The following PLD1 variants were observed in gnomAD, a reference collection of about 807,000 sequenced individuals.
The protein encoded by PLD1 is choline phosphatase 1.
In PLD1, 112 loss-of-function variants were observed where a neutral mutation model predicts 137.1. That is an observed-to-expected ratio of 0.82 (90% CI 0.70 to 0.96). PLD1 has a LOEUF of 0.96. Among genes scored for constraint, PLD1 ranks in the 40% least tolerant of loss-of-function variants. The pLI, the probability that PLD1 is intolerant of heterozygous loss-of-function variation, is 0.00. For missense variants in PLD1, 1,321 were observed against 1,342.0 expected (o/e 0.98, Z 0.24); for synonymous variants, 431 against 454.7 (o/e 0.95, Z 0.66).
intron 19 of PLD1, among the ~76,000 whole-genome samples, chr3:171,670,984 T>C (rs1390299482): frequency 6.6e-6 from 1 of 152,192 alleles, no homozygotes; most frequent in South Asian, 2.1e-4. Flanking sequence ...TGAAAGACAA[T>C]GAATGAAAAT....
At chr3:171,764,174 T>C (rs1335065393) in intron 1 of PLD1, among the ~76,000 whole-genome samples, 1 of 152,132 alleles carries the variant, frequency 6.6e-6, no homozygotes, top group Non-Finnish European at 1.5e-5. Flanking sequence ...GGAGTTTCTC[T>C]ATGTTGCCCA....
In PLD1 at chr3:171,662,111, G is replaced by C; in HGVS notation, c.2289C>G (p.His763Gln). ...AGIKYHEESI[H>Q]AAYVHVIENS... ...TCTCTATCACATGGACGTAAGCGGC[G>C]TGGATGGACTCTTCATGGTACTTTA... Residue 763 changes from histidine to glutamine, a missense_variant, in exon 20 of 27, where the codon CAC becomes CAG. Coordinates refer to ENST00000351298, the MANE Select transcript of PLD1 (RefSeq NM_002662.5). 6.2e-7 allele frequency: 1 copy of C among 1,613,544 alleles called. No individual in the cohort carries two copies. Among genetic ancestry groups the C allele is most frequent in the Non-Finnish European group, 8.5e-7 (1 of 1,179,482 alleles).
chr3:171,639,154 AAGAT>A (rs1386274644), intron 23 of PLD1, among the ~76,000 whole-genome samples: 2 of 146,774 alleles, frequency 1.4e-5, no homozygotes, highest in East Asian at 2.0e-4. Flanking sequence ...ATATATATGA[AAGAT>A]AGATATATAA....
chr3:171,693,562 T>G (rs1447017470), intron 12 of PLD1, among the ~76,000 whole-genome samples: 1 of 152,110 alleles, frequency 6.6e-6, no homozygotes, highest in Non-Finnish European at 1.5e-5. Context: ...TTGCTTTTTT[T>G]ACTTTTTAGG....
At chr3:171,777,883 T>C (rs1004345379) in intron 1 of PLD1, among the ~76,000 whole-genome samples, 1 of 152,258 alleles carries the variant, frequency 6.6e-6, no homozygotes, top group Non-Finnish European at 1.5e-5. Context: ...TGCGACTTTC[T>C]ATTTTATCTG....
At chr3:171,775,228 A>C (rs1245297707) in intron 1 of PLD1, among the ~76,000 whole-genome samples, 1 of 152,250 alleles carries the variant, frequency 6.6e-6, no homozygotes. Context: ...AGGATTTTTC[A>C]TATCACATTA....
At chr3:171,693,547 G>T (rs1038948923) in intron 12 of PLD1, among the ~76,000 whole-genome samples, 3 of 151,852 alleles carry the variant, frequency 2.0e-5, no homozygotes, top group Admixed American at 6.6e-5. Context: ...CCCCCACCTT[G>T]TGGATTGCTT....
At chr3:171,717,039 C>G (rs1016713550) in intron 8 of PLD1, among the ~76,000 whole-genome samples, 1 of 152,046 alleles carries the variant, frequency 6.6e-6, no homozygotes, top group African/African-American at 2.4e-5. Context: ...TATTTCTGGG[C>G]TCTATAATTC....
chr3:171,622,851 T>C lies in PLD1; in HGVS notation c.2594-2331A>G, dbSNP rs115467309. On this transcript the variant is annotated intron_variant, in intron 23 of 26. Coordinates refer to ENST00000351298, the MANE Select transcript of PLD1 (RefSeq NM_002662.5). ...AAAAATATTAAATATAATAACAGGA[T>C]ATAAATTAACATATAGAAATCAATA... 8.9e-3 allele frequency among the ~76,000 whole-genome samples: 1,351 copies of C among 151,494 alleles called. 23 individuals carry two copies. Among genetic ancestry groups the C allele is most frequent in the African/African-American group, 0.031 (1,303 of 41,452 alleles).
chr3:171,651,323 G>GGTGT (rs3050440), intron 21 of PLD1, among the ~76,000 whole-genome samples: 125 of 150,390 alleles, frequency 8.3e-4, no homozygotes, highest in Non-Finnish European at 1.4e-3. Flanking sequence ...TAGGGCTTAG[G>GGTGT]GTGTGTGTGT....
chr3:171,700,058 C>T (rs766234173), intron 11 of PLD1, among the ~76,000 whole-genome samples: 4 of 151,834 alleles, frequency 2.6e-5, no homozygotes, highest in South Asian at 2.1e-4. Context: ...CTCTCTCCCC[C>T]CTCTTTAACT....
chr3:171,761,984 C>T (rs576261054), intron 1 of PLD1, among the ~76,000 whole-genome samples: 13 of 152,212 alleles, frequency 8.5e-5, no homozygotes, highest in Non-Finnish European at 1.6e-4. Context: ...TAACTTTGGA[C>T]TCTATCTTCT....
intron 1 of PLD1, among the ~76,000 whole-genome samples, chr3:171,807,089 G>A (rs12492909): frequency 0.076 from 11,545 of 152,132 alleles, 563 homozygotes; most frequent in Middle Eastern, 0.15. Context: ...GGAGGATTGC[G>A]GGAGCCCAGC....
At chr3:171,765,648 T>A (rs545570828) in intron 1 of PLD1, among the ~76,000 whole-genome samples, 3 of 152,318 alleles carry the variant, frequency 2.0e-5, no homozygotes, top group African/African-American at 7.2e-5. Flanking sequence ...ACTCAATCAT[T>A]TTGGGCTTCA....
intron 23 of PLD1, among the ~76,000 whole-genome samples, chr3:171,639,629 CTA>C (rs1441077722): frequency 1.0e-4 from 7 of 69,642 alleles, no homozygotes; most frequent in African/African-American, 4.7e-4. Flanking sequence ...AATATATATT[CTA>C]TATAATATAT....
At chr3:171,807,027 G>A (rs541710576) in intron 1 of PLD1, among the ~76,000 whole-genome samples, 2 of 152,304 alleles carry the variant, frequency 1.3e-5, no homozygotes, top group South Asian at 4.1e-4. Flanking sequence ...GCATTTCTCA[G>A]CTGGGTATGG....
intron 1 of PLD1, among the ~76,000 whole-genome samples, chr3:171,791,415 G>A (rs747537334): frequency 3.3e-5 from 5 of 152,116 alleles, no homozygotes; most frequent in East Asian, 1.9e-4. Context: ...CTGGATGCTC[G>A]TGAACATAAC....
chr3:171,620,488 A>C lies in PLD1; in HGVS notation c.2626T>G (p.Cys876Gly). Residue 876 changes from cysteine (C) to glycine (G), a missense_variant, in exon 24 of 27, where the codon TGT (cysteine) becomes GGT (glycine). By Grantham distance (159) the Cys-to-Gly change is radical (BLOSUM62 -3). Coordinates refer to ENST00000351298, the MANE Select transcript of PLD1 (RefSeq NM_002662.5). ...AGCTCTGCATGTGTTCTAAGACCAC[A>C]GAATGATATGTAATTTATCCACTGA... ...GNQWINYISF[C>G]GLRTHAELEG... 2 of 1,595,828 alleles carry C rather than the reference A, an allele frequency of 1.3e-6. No individual in the cohort carries two copies. The highest frequency in any genetic ancestry group is 2.2e-5 in the South Asian group (2 of 90,068).
At chr3:171,672,495 ATT>A (rs58654667) in intron 19 of PLD1, among the ~76,000 whole-genome samples, 189 of 136,132 alleles carry the variant, frequency 1.4e-3, no homozygotes, top group African/African-American at 4.2e-3. Context: ...TTTTATTTTT[ATT>A]TTTTTTTTTT....
Sources: gnomAD v4.1 joint callset for allele counts (sites outside exome capture counted in the v4.1 genomes callset) on GRCh38, gnomAD v4.1.1 for gene constraint, MANE v1.5 for transcripts, NCBI Gene and HGNC (gene_info 2026-07-23, HGNC 2026-07-21) for gene names.